SMYD3: variants seen among roughly 807,000 people sequenced by gnomAD.
The protein encoded by SMYD3 is SET and MYND domain containing 3.
A neutral mutation model predicts 57.7 loss-of-function variants in SMYD3; 36 were observed. The ratio of observed to expected loss-of-function variants is 0.62; its 90% CI spans 0.48 to 0.82. The LOEUF (loss-of-function observed/expected upper bound fraction) is 0.82, where lower values mean the gene tolerates loss of function less well. Among genes scored for constraint, SMYD3 ranks in the 40% least tolerant of loss-of-function variants. The pLI, the probability that SMYD3 is intolerant of heterozygous loss-of-function variation, is 0.00. For synonymous variants in SMYD3, 211 were observed against 195.0 expected (o/e 1.08, Z -0.68); for missense variants, 515 against 538.8 (o/e 0.96, Z 0.44).
chr1:245,846,341 C>T (rs2050663900), intron 10 of SMYD3, among the ~76,000 whole-genome samples: 1 of 152,116 alleles, frequency 6.6e-6, no homozygotes, highest in Admixed American at 6.5e-5. Context: ...TGAAGGTGCT[C>T]AGGTGGATTT....
At chr1:245,833,920 T>A (rs1328800647) in intron 10 of SMYD3, among the ~76,000 whole-genome samples, 1 of 152,250 alleles carries the variant, frequency 6.6e-6, no homozygotes, top group Non-Finnish European at 1.5e-5. Context: ...TGACACTGAT[T>A]CCAAAGTTTA....
chr1:246,497,672 G>C (rs1344211666), intron 1 of SMYD3, among the ~76,000 whole-genome samples: 1 of 151,950 alleles, frequency 6.6e-6, no homozygotes, highest in Non-Finnish European at 1.5e-5. Flanking sequence ...CAGCCTCCTA[G>C]GGAGATCTCA....
intron 5 of SMYD3, among the ~76,000 whole-genome samples, chr1:246,003,248 T>C (rs1489020942): frequency 6.6e-6 from 1 of 152,192 alleles, no homozygotes; most frequent in Non-Finnish European, 1.5e-5. Context: ...CATTAGGCTT[T>C]GGAGGATCCC....
rs760848607 is a variant in SMYD3 at position 245,858,506 on chromosome 1, C to T, written c.1066G>A (p.Glu356Lys). The T allele has an allele frequency of 1.2e-5, 20 of 1,613,682 alleles. No individual in the cohort carries two copies. Among genetic ancestry groups the T allele is most frequent in the Non-Finnish European group, 1.6e-5 (19 of 1,179,922 alleles). ...EALFYGTRTM[E>K]PYRIFFPGSH... The stretch of plus-strand genomic sequence containing the variant: ...CTCCCTGGGACTTGCCTGTATGGCT[C>T]CATGGTCCGAGTACCATAGAACAAG... Residue 356 changes from glutamate to lysine, a missense_variant, in exon 10 of 12, where the codon GAG becomes AAG. Coordinates refer to ENST00000490107, the MANE Select transcript of SMYD3 (RefSeq NM_001167740.2).
chr1:245,880,277 C>T (rs1365826999), intron 8 of SMYD3, among the ~76,000 whole-genome samples: 1 of 152,168 alleles, frequency 6.6e-6, no homozygotes, highest in African/African-American at 2.4e-5. Flanking sequence ...CCATATTGTT[C>T]GATTTCAACC....
intron 5 of SMYD3, among the ~76,000 whole-genome samples, chr1:246,167,999 C>G (rs753881718): frequency 5.3e-5 from 8 of 152,174 alleles, no homozygotes; most frequent in Non-Finnish European, 1.2e-4. Flanking sequence ...TCTATGCATA[C>G]TCCTTTAAAC....
intron 5 of SMYD3, among the ~76,000 whole-genome samples, chr1:246,145,618 G>A (rs2061830686): frequency 6.6e-6 from 1 of 152,194 alleles, no homozygotes; most frequent in Non-Finnish European, 1.5e-5. Flanking sequence ...AGGTGACCGA[G>A]TGTGAACTCA....
rs147706717 is a variant in SMYD3, at chr1:245,801,218, C to T, written c.1077-37069G>A. Among the ~76,000 whole-genome samples the T allele has an allele frequency of 4.8e-3, 729 of 152,302 alleles. 4 individuals carry two copies. Among genetic ancestry groups the T allele is most frequent in the African/African-American group, 0.017 (694 of 41,564 alleles). On this transcript the variant is annotated intron_variant, in intron 10 of 11. Coordinates refer to ENST00000490107, the MANE Select transcript of SMYD3 (RefSeq NM_001167740.2). ...ATTACAAATGTTTAAAATAGCTAAA[C>T]TTTTAAAAATGTGTTTGATGCTTTT...
At chr1:246,161,730 T>G (rs1201653832) in intron 5 of SMYD3, among the ~76,000 whole-genome samples, 1 of 152,224 alleles carries the variant, frequency 6.6e-6, no homozygotes, top group East Asian at 1.9e-4. Context: ...AATACAGGTC[T>G]GGCCAATGAC....
At chr1:245,882,006 T>C (rs369245563) in intron 8 of SMYD3, among the ~76,000 whole-genome samples, 1 of 152,202 alleles carries the variant, frequency 6.6e-6, no homozygotes. Context: ...GGAAGCTGGA[T>C]CTCCCCTCCA....
Position 246,307,569 on chromosome 1 carries a change from GC to G in SMYD3, c.531+19631del, listed in dbSNP as rs1477572024. Among the ~76,000 whole-genome samples, 20 of 151,548 alleles carry G rather than the reference GC, an allele frequency of 1.3e-4. No individual in the cohort carries two copies. The East Asian group carries it at 3.9e-3, about 29-fold the overall frequency. On this transcript the variant is annotated intron_variant, in intron 5 of 11. Coordinates refer to ENST00000490107, the MANE Select transcript of SMYD3 (RefSeq NM_001167740.2). ...CGAGTAGCTGGGACTACAGGCGCCC[GC>G]CACCACGCCCGGCTAATTTTTTGTA...
chr1:246,348,488 A>G (rs532181905), intron 2 of SMYD3, among the ~76,000 whole-genome samples: 15 of 152,262 alleles, frequency 9.9e-5, no homozygotes, highest in African/African-American at 2.9e-4. Context: ...TCCTAAGCAA[A>G]GTAGCACAGA....
At chr1:246,438,997 G>T in intron 1 of SMYD3, among the ~76,000 whole-genome samples, 1 of 151,176 alleles carries the variant, frequency 6.6e-6, no homozygotes, top group East Asian at 2.0e-4. Flanking sequence ...CATGGGAGTG[G>T]TACCGGTCCT....
chr1:246,082,193 T>C (rs1355908158), intron 5 of SMYD3, among the ~76,000 whole-genome samples: 2 of 151,830 alleles, frequency 1.3e-5, no homozygotes, highest in Non-Finnish European at 2.9e-5. Flanking sequence ...TGAAAGGCCA[T>C]AAGATTAGGG....
chr1:245,978,149 C>T (rs568063125), intron 5 of SMYD3, among the ~76,000 whole-genome samples: 9 of 152,276 alleles, frequency 5.9e-5, no homozygotes, highest in Non-Finnish European at 1.0e-4. Flanking sequence ...GCTTCCAAGT[C>T]GGAACATCCA....
chr1:246,039,637 A>C (rs1008744235), intron 5 of SMYD3, among the ~76,000 whole-genome samples: 2 of 152,196 alleles, frequency 1.3e-5, no homozygotes, highest in South Asian at 4.1e-4. Flanking sequence ...GGTAAGACTC[A>C]CAGCATGTGA....
chr1:246,064,455 T>C (rs892417921), intron 5 of SMYD3, among the ~76,000 whole-genome samples: 6 of 152,204 alleles, frequency 3.9e-5, no homozygotes, highest in Non-Finnish European at 7.3e-5. Context: ...GCATTTCCAC[T>C]TTTGCCTGGG....
chr1:246,039,903 T>A (rs1165286859), intron 5 of SMYD3, among the ~76,000 whole-genome samples: 1 of 152,102 alleles, frequency 6.6e-6, no homozygotes, highest in Non-Finnish European at 1.5e-5. Context: ...AAAAGGGATA[T>A]GAGAAGAAGA....
chr1:246,159,988 A>T (rs2062089224), intron 5 of SMYD3, among the ~76,000 whole-genome samples: 1 of 152,206 alleles, frequency 6.6e-6, no homozygotes, highest in Non-Finnish European at 1.5e-5. Flanking sequence ...TATTTTACAA[A>T]TAATGAAGTA....
Sources: gnomAD v4.1 joint callset for allele counts (sites outside exome capture counted in the v4.1 genomes callset) on GRCh38, gnomAD v4.1.1 for gene constraint, MANE v1.5 for transcripts, NCBI Gene and HGNC (gene_info 2026-07-23, HGNC 2026-07-21) for gene names.